Variants in SNIP1 observed in about 807,000 individuals in gnomAD.
SNIP1 encodes the protein smad nuclear-interacting protein 1.
In SNIP1, 23 loss-of-function variants were observed where a neutral mutation model predicts 37.4. That is an observed-to-expected ratio of 0.61 (90% CI 0.44 to 0.87). SNIP1 has a LOEUF of 0.87. Ranked by LOEUF, SNIP1 falls within the 40% of genes least tolerant of loss-of-function variation. The probability of loss-of-function intolerance (pLI) is 0.00; values close to 1 mark genes in which losing one functional copy is unlikely to be tolerated. For synonymous variants in SNIP1, 174 were observed against 200.0 expected (o/e 0.87, Z 1.10); for missense variants, 459 against 540.4 (o/e 0.85, Z 1.49).
rs1201749197 is a variant in SNIP1, at chr1:37,536,124, A to T, written c.*1624T>A. ...ACTGTGCCCATGCCCGGCCCAACTT[A>T]CGTTTCATCTAATGACCTTATTAAG... On this transcript the variant is annotated 3_prime_UTR_variant, in exon 4 of 4. Coordinates refer to ENST00000296215, the MANE Select transcript of SNIP1 (RefSeq NM_024700.4). The T allele has an allele frequency of 6.6e-6, 1 of 152,180 alleles. No homozygotes were observed. The highest frequency in any genetic ancestry group is 1.5e-5 in the Non-Finnish European group (1 of 68,052). The allele number at this position is 152,180 out of a possible 1,614,324, so 9.4% of individuals were successfully genotyped here.
rs1391657234 is a variant in SNIP1 at position 37,547,836 on chromosome 1, T to A, written c.327+4809A>T. Among the ~76,000 whole-genome samples the A allele has an allele frequency of 2.6e-5, 4 of 151,346 alleles. No homozygotes were observed. In the East Asian group the frequency reaches 6.0e-4, roughly 23 times the overall value. ...TATCCTCAGGAGATTGGTTCCAGGA[T>A]CCCCAGTGGATAAAAAAGATTATCT... On this transcript the variant is annotated intron_variant, in intron 2 of 3. Transcript: ENST00000296215.
Position 37,537,719 on chromosome 1 carries a change from G to T in SNIP1, c.*29C>A. On this transcript the variant is annotated 3_prime_UTR_variant, in exon 4 of 4. Transcript: ENST00000296215. ...ATCAAAGACTTCCAAGAAGGAAACC[G>T]TGTATCAATAGTTTGGGTTCTTAGT... 1 of 1,598,694 alleles carries T rather than the reference G, an allele frequency of 6.3e-7. No individual in the cohort carries two copies. Among genetic ancestry groups the T allele is most frequent in the Non-Finnish European group, 8.5e-7 (1 of 1,172,210 alleles).
intron 2 of SNIP1, chr1:37,541,332 A>G (rs1643171957): frequency 6.6e-6 from 1 of 152,232 alleles, no homozygotes; most frequent in South Asian, 2.1e-4. Context: ...GAAGAAATGG[A>G]GAAACATACC....
At chr1:37,551,780 T>A (rs989061941) in intron 2 of SNIP1, among the ~76,000 whole-genome samples, 5 of 152,202 alleles carry the variant, frequency 3.3e-5, no homozygotes, top group African/African-American at 1.2e-4. Flanking sequence ...TTCATTATGG[T>A]GGCCCTAGGT....
At chr1:37,545,026 T>C in intron 2 of SNIP1, 1 of 759,834 alleles carries the variant, frequency 1.3e-6, no homozygotes, top group East Asian at 2.4e-5. Context: ...CAGACCATGA[T>C]GACTGGGAGA....
intron 2 of SNIP1, among the ~76,000 whole-genome samples, chr1:37,545,651 T>C (rs532957220): frequency 1.3e-5 from 2 of 151,706 alleles, no homozygotes; most frequent in South Asian, 4.2e-4. Context: ...AAAAAATACA[T>C]AATAATAATA....
At chr1:37,548,990 A>C (rs1346293475) in intron 2 of SNIP1, 1 of 152,106 alleles carries the variant, frequency 6.6e-6, no homozygotes, top group Non-Finnish European at 1.5e-5. Context: ...AAAACGGACT[A>C]ATGCAAACAA....
Position 37,537,901 on chromosome 1 carries a change from T to G in SNIP1, c.1038A>C (p.Pro346=). Reference sequence around the variant, plus strand: ...TTTCTTTTAGTTCATAGTATCTCTGTGGCTCAATACGTTTGTTGTTTAAGA... The same window carrying G: ...TTTCTTTTAGTTCATAGTATCTCTGGGGCTCAATACGTTTGTTGTTTAAGA... ...GTFLNNKRIE[P]QRYYELKEKD... Residue 346 remains proline, a synonymous_variant, in exon 4 of 4, where the codon CCA becomes CCC. Coordinates refer to ENST00000296215, the MANE Select transcript of SNIP1 (RefSeq NM_024700.4). 3 of 1,614,222 alleles carry G rather than the reference T, an allele frequency of 1.9e-6. No homozygotes were observed. Among genetic ancestry groups the G allele is most frequent in the Middle Eastern group, 1.6e-4 (1 of 6,062 alleles).
chr1:37,548,877 A>G (rs11264069), intron 2 of SNIP1: 79,578 of 152,446 alleles, frequency 0.52, 22,147 homozygotes, highest in East Asian at 0.63. Context: ...CTTGCTTCCC[A>G]CCATGATTGT....
At position 37,540,590 on chromosome 1, in the gene SNIP1, G is replaced by A. The variant is rs764062388; in HGVS notation, c.493C>T (p.Arg165Trp). 4.8e-5 allele frequency: 78 copies of A among 1,613,838 alleles called. No homozygotes were observed. The highest frequency in any genetic ancestry group is 7.7e-5 in the South Asian group (7 of 91,070). Residue 165 changes from arginine to tryptophan, a missense_variant, in exon 3 of 4, where the codon CGG (arginine) becomes TGG (tryptophan). By Grantham distance (101) the Arg-to-Trp change is moderately radical. Coordinates refer to ENST00000296215, the MANE Select transcript of SNIP1 (RefSeq NM_024700.4). This position sits in a 1 kb window ranked among gnomAD's most constrained non-coding sequence, Gnocchi z 5.6. ...TGCAGGTTCTGAGTGTCTCGATCCC[G>A]TCCCTGACCCTGCCCACTCCCAGGC... ...ERPGSGQGQG[R>W]DRDTQNLQAQ...
chr1:37,539,635 G>C (rs1223075425), intron 3 of SNIP1, among the ~76,000 whole-genome samples: 1 of 152,146 alleles, frequency 6.6e-6, no homozygotes, highest in Non-Finnish European at 1.5e-5. Context: ...ACTTGAACCC[G>C]GGATGCAGAG....
chr1:37,540,551 C>T lies in SNIP1; in HGVS notation c.532G>A (p.Glu178Lys). 6.2e-7 allele frequency: 1 copy of T among 1,614,152 alleles called. No individual in the cohort carries two copies. The highest frequency in any genetic ancestry group is 8.5e-7 in the Non-Finnish European group (1 of 1,180,036). ...DTQNLQAQEEEREFYNARRRE... is the reference protein window; with the variant it reads ...DTQNLQAQEEKREFYNARRRE... ...CGCCTGGCATTATAAAACTCCCGCT[C>T]TTCTTCCTGAGCCTGCAGGTTCTGA... The change falls in exon 3 of 4, where the codon GAG becomes AAG. Residue 178 changes from glutamate to lysine, a missense_variant. By Grantham distance (56) the Glu-to-Lys change is moderately conservative. Transcript: ENST00000296215. The surrounding 1 kb of genome is among the most constrained non-coding windows in gnomAD (Gnocchi z 5.6).
intron 1 of SNIP1, 124 bp downstream of exon 1, chr1:37,553,878 CAACA>C (rs1643330448): frequency 2.1e-6 from 2 of 942,052 alleles, no homozygotes; most frequent in Admixed American, 2.3e-5. Context: ...GGATCACTCT[CAACA>C]GCCCCTCAGG....
At chr1:37,539,256 A>G (rs1463437268) in intron 3 of SNIP1, among the ~76,000 whole-genome samples, 1 of 152,236 alleles carries the variant, frequency 6.6e-6, no homozygotes, top group Non-Finnish European at 1.5e-5. Context: ...ACTGTCTTCC[A>G]TGAAACTGGT....
chr1:37,550,707 CAAAAAAT>C (rs561025778), intron 2 of SNIP1, among the ~76,000 whole-genome samples: 178 of 150,088 alleles, frequency 1.2e-3, no homozygotes, highest in East Asian at 3.6e-3. Flanking sequence ...AACTCCGTCT[CAAAAAAT>C]AAAAAATAAA....
intron 2 of SNIP1, among the ~76,000 whole-genome samples, chr1:37,543,539 TAAATGGGAGGGGAA>T (rs1643195963): frequency 6.6e-6 from 1 of 152,076 alleles, no homozygotes; most frequent in Non-Finnish European, 1.5e-5. Flanking sequence ...AATATATTGT[TAAATGGGAGGGGAA>T]AAAAGAGAAG....
At chr1:37,539,428 C>T (rs935307881) in intron 3 of SNIP1, among the ~76,000 whole-genome samples, 9 of 152,094 alleles carry the variant, frequency 5.9e-5, no homozygotes, top group Non-Finnish European at 1.2e-4. Context: ...ACAAACAAAA[C>T]GGGCCAGCCG....
Position 37,540,446 on chromosome 1 carries a change from T to A in SNIP1, c.637A>T (p.Asn213Tyr). Reference sequence around the variant, plus strand: ...TTAGCGGGCACCTCTTTTTCTTTGTTGTTGCCACCAGGCCGAGGAACCAAC... The same window carrying A: ...TTAGCGGGCACCTCTTTTTCTTTGTAGTTGCCACCAGGCCGAGGAACCAAC... Reference protein sequence around the residue: ...QELVPRPGGNNKEKEVPAKEK... With the variant: ...QELVPRPGGNYKEKEVPAKEK... Residue 213 changes from asparagine to tyrosine, a missense_variant, in exon 3 of 4, where the codon AAC becomes TAC. Transcript: ENST00000296215. The surrounding 1 kb of genome is among the most constrained non-coding windows in gnomAD (Gnocchi z 5.6). The A allele has an allele frequency of 6.2e-7, 1 of 1,614,084 alleles. No individual in the cohort carries two copies. Among genetic ancestry groups the A allele is most frequent in the Non-Finnish European group, 8.5e-7 (1 of 1,179,994 alleles).
Position 37,536,841 on chromosome 1 carries a change from A to G in SNIP1, c.*907T>C, listed in dbSNP as rs1203926831. On this transcript the variant is annotated 3_prime_UTR_variant, in exon 4 of 4. Transcript: ENST00000296215. ...AAGGATGAAATGTGTAGAAACATGT[A>G]AACAACACAACCTGCTTTAGATCTA... 6.6e-6 allele frequency: 1 copy of G among 152,260 alleles called. No homozygotes were observed. Among genetic ancestry groups the G allele is most frequent in the African/African-American group, 2.4e-5 (1 of 41,478 alleles). The allele number at this position is 152,260 out of a possible 1,614,324, so 9.4% of individuals were successfully genotyped here.
Sources: gnomAD v4.1 joint callset for allele counts (sites outside exome capture counted in the v4.1 genomes callset) on GRCh38, gnomAD v4.1.1 for gene constraint, Gnocchi (gnomAD v3.1) non-coding constraint, MANE v1.5 for transcripts, NCBI Gene and HGNC (gene_info 2026-07-23, HGNC 2026-07-21) for gene names.